Variants in LRRC4C observed in about 807,000 individuals in gnomAD.
LRRC4C encodes leucine rich repeat containing 4C.
Under a neutral mutation model 33.6 loss-of-function variants are expected in LRRC4C, and 5 were observed. The observed-to-expected ratio is 0.15, with a 90% CI of 0.08 to 0.31. LRRC4C has a LOEUF of 0.31. Ranked by LOEUF, LRRC4C falls within the 10% of genes least tolerant of loss-of-function variation. LRRC4C has a pLI of 1.00. For missense variants in LRRC4C, 560 were observed against 796.7 expected (o/e 0.70, Z 3.58); for synonymous variants, 329 against 302.0 (o/e 1.09, Z -0.93).
intron 1 of LRRC4C, among the ~76,000 whole-genome samples, chr11:41,418,180 T>A (rs543840685): frequency 4.2e-4 from 64 of 152,016 alleles, no homozygotes; most frequent in African/African-American, 1.4e-3. Context: ...AATTATCAGA[T>A]TTACATAGAC....
At chr11:40,161,424 A>G (rs531220002) in intron 5 of LRRC4C, among the ~76,000 whole-genome samples, 1 of 152,232 alleles carries the variant, frequency 6.6e-6, no homozygotes, top group Non-Finnish European at 1.5e-5. Flanking sequence ...TTTCTAAAAT[A>G]GCTCATGAAA....
intron 3 of LRRC4C, among the ~76,000 whole-genome samples, chr11:40,421,002 A>G (rs1282970126): frequency 6.6e-6 from 1 of 152,222 alleles, no homozygotes; most frequent in Non-Finnish European, 1.5e-5. Flanking sequence ...TTTGCCATTT[A>G]GTTCTCATAA....
chr11:41,090,838 T>C (rs114010472), intron 1 of LRRC4C, among the ~76,000 whole-genome samples: 392 of 152,254 alleles, frequency 2.6e-3, no homozygotes, highest in African/African-American at 9.1e-3. Flanking sequence ...AAGGTCTTTG[T>C]TTTCCCTTTG....
chr11:40,407,505 T>A (rs982035233), intron 3 of LRRC4C, among the ~76,000 whole-genome samples: 1 of 152,096 alleles, frequency 6.6e-6, no homozygotes, highest in African/African-American at 2.4e-5. Flanking sequence ...AAGTCATCAG[T>A]TTAATGAGGG....
At chr11:40,931,702 A>G (rs1957632779) in intron 2 of LRRC4C, among the ~76,000 whole-genome samples, 1 of 152,036 alleles carries the variant, frequency 6.6e-6, no homozygotes, top group African/African-American at 2.4e-5. Context: ...GTAGATACTT[A>G]TAATTATTTT....
intron 1 of LRRC4C, among the ~76,000 whole-genome samples, chr11:41,161,152 A>G (rs759891135): frequency 6.6e-6 from 1 of 152,192 alleles, no homozygotes; most frequent in Non-Finnish European, 1.5e-5. Context: ...TATTCCATGT[A>G]ACGTAGTGTG....
intron 1 of LRRC4C, among the ~76,000 whole-genome samples, chr11:41,050,377 T>A (rs1437037703): frequency 6.6e-6 from 1 of 152,150 alleles, no homozygotes; most frequent in African/African-American, 2.4e-5. Flanking sequence ...GCTGCACCCA[T>A]CCACCTGGCA....
chr11:41,393,936 C>A (rs956618258), intron 1 of LRRC4C, among the ~76,000 whole-genome samples: 2 of 151,906 alleles, frequency 1.3e-5, no homozygotes, highest in East Asian at 3.9e-4. Flanking sequence ...ATTAGGCTAC[C>A]TTTAGCCCAG....
chr11:41,161,816 A>T (rs1175033952), intron 1 of LRRC4C, among the ~76,000 whole-genome samples: 1 of 152,196 alleles, frequency 6.6e-6, no homozygotes, highest in African/African-American at 2.4e-5. Context: ...TTACAGTATA[A>T]AGTTGTCTAA....
intron 3 of LRRC4C, among the ~76,000 whole-genome samples, chr11:40,555,266 C>A (rs1371379860): frequency 6.6e-6 from 1 of 152,076 alleles, no homozygotes; most frequent in African/African-American, 2.4e-5. Flanking sequence ...TCCAGGCTGC[C>A]AGTGAATTAA....
chr11:40,453,141 C>T (rs1333551642), intron 3 of LRRC4C, among the ~76,000 whole-genome samples: 2 of 151,866 alleles, frequency 1.3e-5, no homozygotes, highest in African/African-American at 2.4e-5. Flanking sequence ...TGTAACAAAC[C>T]TGCACATTGT....
At chr11:40,763,099 A>ATATATACACACACACATATATATGTATG (rs1949300747) in intron 2 of LRRC4C, among the ~76,000 whole-genome samples, 1 of 149,628 alleles carries the variant, frequency 6.7e-6, no homozygotes, top group South Asian at 2.1e-4. Context: ...ATATGTATAT[A>ATATATACACACACACATATATATGTATG]TATATATTTA....
chr11:40,290,658 C>G (rs1273653445), intron 4 of LRRC4C, among the ~76,000 whole-genome samples: 6 of 152,130 alleles, frequency 3.9e-5, no homozygotes, highest in Non-Finnish European at 8.8e-5. Context: ...AGAAGGGACC[C>G]AGGAGAGTGC....
intron 1 of LRRC4C, among the ~76,000 whole-genome samples, chr11:41,060,982 C>T (rs1452558583): frequency 6.6e-6 from 1 of 152,010 alleles, no homozygotes. Flanking sequence ...GTTCCCCGCC[C>T]CTTCCCCTCC....
intron 1 of LRRC4C, among the ~76,000 whole-genome samples, chr11:41,037,272 T>C (rs946980987): frequency 1.3e-4 from 15 of 115,368 alleles, no homozygotes; most frequent in African/African-American, 4.7e-4. Context: ...CAATTACCTA[T>C]CTTTGATGGG....
intron 4 of LRRC4C, among the ~76,000 whole-genome samples, chr11:40,316,469 A>G (rs1443293445): frequency 6.6e-6 from 1 of 151,992 alleles, no homozygotes; most frequent in Non-Finnish European, 1.5e-5. Context: ...ACTAGCAAAA[A>G]GAAGACAGAA....
At chr11:40,382,732 C>A (rs144825254) in intron 3 of LRRC4C, among the ~76,000 whole-genome samples, 1 of 123,392 alleles carries the variant, frequency 8.1e-6, no homozygotes, top group East Asian at 2.5e-4. Context: ...CTCGCTCTGT[C>A]GCCCAGGCTG....
At chr11:40,261,242 C>T (rs929040132) in intron 4 of LRRC4C, among the ~76,000 whole-genome samples, 3 of 152,042 alleles carry the variant, frequency 2.0e-5, no homozygotes, top group African/African-American at 7.2e-5. Context: ...AGCAACTCAC[C>T]TGCTGAAAAC....
At chr11:40,394,654 G>T (rs1011928039) in intron 3 of LRRC4C, among the ~76,000 whole-genome samples, 1 of 152,088 alleles carries the variant, frequency 6.6e-6, no homozygotes, top group African/African-American at 2.4e-5. Context: ...AAGCTCTGTG[G>T]TTCATGGTTC....
Sources: gnomAD v4.1 joint callset for allele counts (sites outside exome capture counted in the v4.1 genomes callset) on GRCh38, gnomAD v4.1.1 for gene constraint, MANE v1.5 for transcripts, NCBI Gene and HGNC (gene_info 2026-07-23, HGNC 2026-07-21) for gene names.